GRM7: variants seen among roughly 807,000 people sequenced by gnomAD.
GRM7 encodes the protein glutamate metabotropic receptor 7.
A neutral mutation model predicts 84.5 loss-of-function variants in GRM7; 35 were observed. That is an observed-to-expected ratio of 0.41 (90% CI 0.32 to 0.55). The LOEUF is 0.55. Among genes scored for constraint, GRM7 ranks in the 20% least tolerant of loss-of-function variants. GRM7 has a pLI of 0.19. For synonymous variants in GRM7, 487 were observed against 455.1 expected, an observed-to-expected ratio of 1.07 and a Z score of -0.89; for missense variants, 1,003 against 1,194.6, an observed-to-expected ratio of 0.84 and a Z score of 2.36.
chr3:7,039,598 G>A (rs73112819), intron 1 of GRM7, among the ~76,000 whole-genome samples: 19,172 of 152,080 alleles, frequency 0.13, 4,148 homozygotes, highest in African/African-American at 0.44. Flanking sequence ...TGGATATGCC[G>A]TGATAAGAAA....
chr3:6,900,682 GC>G (rs563629766), intron 1 of GRM7, among the ~76,000 whole-genome samples: 286 of 152,286 alleles, frequency 1.9e-3, no homozygotes, highest in African/African-American at 6.5e-3. Flanking sequence ...GAGAGAAGAA[GC>G]TTATAGAGAG....
chr3:7,425,457 C>T (rs1696569958), intron 5 of GRM7, among the ~76,000 whole-genome samples: 3 of 152,124 alleles, frequency 2.0e-5, no homozygotes, highest in Non-Finnish European at 2.9e-5. Flanking sequence ...TGCTTGGGAC[C>T]TTCTGTCCAT....
chr3:7,418,847 C>T (rs768034768), intron 5 of GRM7, among the ~76,000 whole-genome samples: 13 of 152,192 alleles, frequency 8.5e-5, no homozygotes, highest in Non-Finnish European at 1.6e-4. Flanking sequence ...GTTCTAAGGA[C>T]ATCCATAACC....
chr3:7,244,442 C>T (rs1697679009), intron 2 of GRM7, among the ~76,000 whole-genome samples: 1 of 151,906 alleles, frequency 6.6e-6, no homozygotes, highest in Non-Finnish European at 1.5e-5. Context: ...CTAAAATATT[C>T]AATAGAAAAA....
At chr3:7,448,120 G>A (rs1469880954) in intron 5 of GRM7, among the ~76,000 whole-genome samples, 1 of 151,794 alleles carries the variant, frequency 6.6e-6, no homozygotes, top group Non-Finnish European at 1.5e-5. Flanking sequence ...TGGTGTATAT[G>A]TGCCACATTT....
intron 4 of GRM7, among the ~76,000 whole-genome samples, chr3:7,403,429 G>A (rs899727159): frequency 3.3e-5 from 5 of 151,182 alleles, no homozygotes; most frequent in African/African-American, 9.7e-5. Flanking sequence ...TCATTAGGAT[G>A]ACATCAAGCT....
chr3:7,133,653 C>A (rs1291590155), intron 1 of GRM7, among the ~76,000 whole-genome samples: 1 of 152,098 alleles, frequency 6.6e-6, no homozygotes, highest in Non-Finnish European at 1.5e-5. Context: ...GCTCTTGAGG[C>A]CTGGAAGAAG....
At chr3:6,892,606 G>A (rs1415375001) in intron 1 of GRM7, 4 of 152,056 alleles carry the variant, frequency 2.6e-5, no homozygotes, top group East Asian at 1.9e-4. Context: ...TGAGAGTGAG[G>A]AAAAAGAAGG....
intron 8 of GRM7, among the ~76,000 whole-genome samples, chr3:7,611,482 A>G (rs1248100974): frequency 6.6e-6 from 1 of 152,116 alleles, no homozygotes; most frequent in African/African-American, 2.4e-5. Context: ...GCCACCTATC[A>G]TCATCATGCC....
chr3:7,383,878 C>T (rs1303112237), intron 4 of GRM7, among the ~76,000 whole-genome samples: 1 of 151,830 alleles, frequency 6.6e-6, no homozygotes, highest in African/African-American at 2.4e-5. Context: ...TTTCCTTGTC[C>T]CTCTTCAGCT....
intron 7 of GRM7, among the ~76,000 whole-genome samples, chr3:7,515,226 A>AG (rs1209175681): frequency 6.6e-6 from 1 of 152,010 alleles, no homozygotes; most frequent in African/African-American, 2.4e-5. Context: ...AAAAAAAAAA[A>AG]AAGACATCAA....
rs1695610947 is a variant in GRM7 at position 7,188,846 on chromosome 3, A to G, written c.736+42178A>G. Among the ~76,000 whole-genome samples the G allele has an allele frequency of 6.6e-6, 1 of 152,178 alleles. No homozygotes were observed. The highest frequency in any genetic ancestry group is 1.5e-5 in the Non-Finnish European group (1 of 68,030). On this transcript the variant is annotated intron_variant, in intron 2 of 9. Coordinates refer to ENST00000357716, the MANE Select transcript of GRM7 (RefSeq NM_000844.4). The surrounding 1 kb of genome is among the most constrained non-coding windows in gnomAD (Gnocchi z 4.2). The stretch of plus-strand genomic sequence containing the variant: ...CATTGCATCCAAGCAGTGAAGGGAG[A>G]GACAGAGTAAAAGACACACCTGCTT...
chr3:7,442,577 T>C (rs547547235), intron 5 of GRM7, among the ~76,000 whole-genome samples: 1 of 152,174 alleles, frequency 6.6e-6, no homozygotes, highest in Admixed American at 6.6e-5. Flanking sequence ...CCCTTATGTC[T>C]TCTCTGTGTG....
intron 2 of GRM7, among the ~76,000 whole-genome samples, chr3:7,237,257 G>A (rs1355183021): frequency 1.3e-5 from 2 of 152,156 alleles, no homozygotes; most frequent in Non-Finnish European, 2.9e-5. Flanking sequence ...TTGAATTTCA[G>A]CAGTTGCCTT....
intron 7 of GRM7, among the ~76,000 whole-genome samples, chr3:7,496,245 C>G (rs1031358642): frequency 3.9e-5 from 6 of 152,042 alleles, no homozygotes; most frequent in Non-Finnish European, 7.4e-5. Flanking sequence ...GTGAAGAAAC[C>G]CAACAACATC....
chr3:7,186,540 A>G (rs1695521768), intron 2 of GRM7, among the ~76,000 whole-genome samples: 1 of 152,210 alleles, frequency 6.6e-6, no homozygotes, highest in East Asian at 1.9e-4. Context: ...GGGCATAATT[A>G]TTTGTAAAAA....
chr3:7,611,707 T>C (rs1696853407), intron 8 of GRM7, among the ~76,000 whole-genome samples: 1 of 152,104 alleles, frequency 6.6e-6, no homozygotes, highest in Admixed American at 6.6e-5. Context: ...GGGAGCATTG[T>C]AGAAATGCAG....
rs73112857 is a variant in GRM7 at position 7,063,189 on chromosome 3, C to T, written c.520-83263C>T. On this transcript the variant is annotated intron_variant, in intron 1 of 9. Transcript: ENST00000357716. Reference sequence around the variant, plus strand: ...TGGGTCTTGTGACACAGCCCTCTCCCGCCCAAACTAATCAGCCTAGAGGAT... The same window carrying T: ...TGGGTCTTGTGACACAGCCCTCTCCTGCCCAAACTAATCAGCCTAGAGGAT... Among the ~76,000 whole-genome samples the T allele has an allele frequency of 6.5e-3, 982 of 151,852 alleles. 10 individuals carry two copies. The highest frequency in any genetic ancestry group is 0.023 in the African/African-American group (944 of 41,488).
intron 9 of GRM7, among the ~76,000 whole-genome samples, chr3:7,704,707 T>C (rs1296485949): frequency 6.6e-6 from 1 of 152,134 alleles, no homozygotes; most frequent in Admixed American, 6.5e-5. Context: ...TGAACACAAA[T>C]ATATGGACTG....
Sources: allele counts gnomAD v4.1 joint callset (sites outside exome capture counted in the v4.1 genomes callset), GRCh38; gene constraint gnomAD v4.1.1; non-coding constraint Gnocchi (gnomAD v3.1); transcripts MANE v1.5; gene names NCBI Gene and HGNC (gene_info 2026-07-23, HGNC 2026-07-21).